The following YLPM1 variants were observed in gnomAD, a reference collection of about 807,000 sequenced individuals.
YLPM1 encodes the protein YLP motif containing 1, also known as YLP motif-containing protein 1.
A neutral mutation model predicts 230.0 loss-of-function variants in YLPM1; 99 were observed. The observed-to-expected ratio is 0.43, with a 90% CI of 0.37 to 0.51. The LOEUF (loss-of-function observed/expected upper bound fraction) is 0.51. Among genes scored for constraint, YLPM1 ranks in the 20% least tolerant of loss-of-function variants. YLPM1 has a pLI of 0.00. For synonymous variants in YLPM1, 984 were observed against 942.5 expected, an observed-to-expected ratio of 1.04 and a Z score of -0.81; for missense variants, 2,592 against 2,707.7, an observed-to-expected ratio of 0.96 and a Z score of 0.95.
chr14:74,797,484 CA>C, intron 4 of YLPM1, 95 bp from the exon 5 acceptor site: 2 of 1,080,662 alleles, frequency 1.9e-6, no homozygotes, highest in Non-Finnish European at 2.6e-6. Flanking sequence ...TTGTTGTAAA[CA>C]AATTCTAAGG....
intron 6 of YLPM1, among the ~76,000 whole-genome samples, chr14:74,803,987 G>A (rs901120760): frequency 1.3e-5 from 2 of 151,978 alleles, no homozygotes; most frequent in Non-Finnish European, 2.9e-5. Context: ...GAGAAACCCC[G>A]TCTCTACTAA....
rs542341098 is a variant in YLPM1, at chr14:74,824,418, T to G, written c.6163+111T>G. On this transcript the variant is annotated intron_variant, in intron 18 of 20. Transcript: ENST00000325680. ...CTAAAACTTCTACTTGAACAGAGAT[T>G]TCTGGCCTACCTTATATCCTCCAAT... 18 of 1,078,880 alleles carry G rather than the reference T, an allele frequency of 1.7e-5. No individual in the cohort carries two copies. The African/African-American group carries it at 2.7e-4, about 16-fold the overall frequency. 66.8% of individuals were successfully genotyped at this position (1,078,880 alleles called of 1,614,324 possible).
chr14:74,810,327 A>G lies in YLPM1; in HGVS notation c.5135A>G (p.Asp1712Gly). 6.2e-7 allele frequency: 1 copy of G among 1,613,904 alleles called. No individual in the cohort carries two copies. The highest frequency in any genetic ancestry group is 1.7e-5 in the Admixed American group (1 of 60,020). ...GCAGATCATCGAGATTTTAAAAGGGATCGTGAGACACATAGAGATCGAGAC... is the reference window on the plus strand; with the variant it reads ...GCAGATCATCGAGATTTTAAAAGGGGTCGTGAGACACATAGAGATCGAGAC... ...VIADHRDFKR[D>G]RETHRDRDRD... Residue 1712 changes from aspartate (D) to glycine (G), a missense_variant, in exon 9 of 21, where the codon GAT becomes GGT. Coordinates refer to ENST00000325680, the MANE Select transcript of YLPM1 (RefSeq NM_019589.3).
intron 4 of YLPM1, among the ~76,000 whole-genome samples, chr14:74,793,845 A>G (rs2091231712): frequency 6.6e-6 from 1 of 152,216 alleles, no homozygotes; most frequent in Non-Finnish European, 1.5e-5. Context: ...GGTTCCGAAT[A>G]TAGATTTACG....
intron 11 of YLPM1, among the ~76,000 whole-genome samples, chr14:74,813,176 T>G (rs1472132785): frequency 2.0e-5 from 3 of 152,252 alleles, no homozygotes; most frequent in East Asian, 3.8e-4. Context: ...TATTACAGAA[T>G]AATTAGACTG....
intron 18 of YLPM1, chr14:74,827,721 C>G: frequency 1.0e-6 from 1 of 985,376 alleles, no homozygotes; most frequent in African/African-American, 1.7e-5. Flanking sequence ...GAGCTTCTGT[C>G]TCTTCTGGTA....
chr14:74,772,462 G>A (rs2090987387), intron 1 of YLPM1, among the ~76,000 whole-genome samples: 2 of 151,654 alleles, frequency 1.3e-5, no homozygotes, highest in African/African-American at 4.8e-5. Flanking sequence ...AGGTTCAAGC[G>A]ATTCTCCTGC....
rs1267145482 is a variant in YLPM1, at chr14:74,781,988, GCCCCAGTTCCACCAGC to G, written c.1947_1962del (p.Pro652HisfsTer42). On this transcript the variant is annotated frameshift_variant, in exon 4 of 21. Coordinates refer to ENST00000325680, the MANE Select transcript of YLPM1 (RefSeq NM_019589.3). LOFTEE classifies it high-confidence loss of function. ...AGGGATACCTCCTCAGTTAACAGCAGCCCCAGTTCCACCAGCCTCCAGTTCACAGAGCTCGCAAGTT... is the reference window on the plus strand; with the variant it reads ...AGGGATACCTCCTCAGTTAACAGCAGCTCCAGTTCACAGAGCTCGCAAGTT... 1 of 1,613,566 alleles carries G rather than the reference GCCCCAGTTCCACCAGC, an allele frequency of 6.2e-7. No individual in the cohort carries two copies. Among genetic ancestry groups the G allele is most frequent in the Non-Finnish European group, 8.5e-7 (1 of 1,179,762 alleles).
chr14:74,797,232 C>G (rs1330189503), intron 4 of YLPM1, among the ~76,000 whole-genome samples: 1 of 146,716 alleles, frequency 6.8e-6, no homozygotes, highest in Non-Finnish European at 1.5e-5. Flanking sequence ...CTCAGGTGAT[C>G]TGCCCATCTC....
rs755761859 is a variant in YLPM1, at chr14:74,764,344, C to G, written c.855C>G (p.Pro285=). ...EQQQAAPEPD[P]STMTPQEQQQ... ...AGCAAGCCGCCCCTGAGCCAGATCCCTCTACGATGACTCCACAGGTAAGAA... is the reference window on the plus strand; with the variant it reads ...AGCAAGCCGCCCCTGAGCCAGATCCGTCTACGATGACTCCACAGGTAAGAA... The change falls in exon 1 of 21, where the codon CCC becomes CCG. Residue 285 remains proline, a synonymous_variant. Transcript: ENST00000325680. The G allele has an allele frequency of 5.6e-6, 9 of 1,610,342 alleles. No homozygotes were observed. The highest frequency in any genetic ancestry group is 1.7e-5 in the Admixed American group (1 of 59,490).
intron 5 of YLPM1, among the ~76,000 whole-genome samples, chr14:74,801,270 A>G (rs371346017): frequency 2.8e-4 from 42 of 152,310 alleles, no homozygotes; most frequent in African/African-American, 9.4e-4. Flanking sequence ...GTCAGTGTAA[A>G]GTCGTAAGGA....
chr14:74,784,787 A>G (rs2091130925), intron 4 of YLPM1, among the ~76,000 whole-genome samples: 1 of 152,152 alleles, frequency 6.6e-6, no homozygotes. Context: ...TATTACCCTC[A>G]TGTCTCCCTC....
At chr14:74,792,104 T>G (rs1395663299) in intron 4 of YLPM1, among the ~76,000 whole-genome samples, 3 of 152,214 alleles carry the variant, frequency 2.0e-5, no homozygotes, top group Non-Finnish European at 4.4e-5. Flanking sequence ...GAACCACACC[T>G]TCACAAGCCC....
At chr14:74,817,455 C>T (rs1408163921) in intron 15 of YLPM1, among the ~76,000 whole-genome samples, 178 bp downstream of exon 15, 1 of 152,166 alleles carries the variant, frequency 6.6e-6, no homozygotes, top group Admixed American at 6.5e-5. Context: ...CAGTTGCCTA[C>T]AGTATTCAGT....
chr14:74,783,459 C>G lies in YLPM1; in HGVS notation c.2282+1134C>G, dbSNP rs143576605. On this transcript the variant is annotated intron_variant, in intron 4 of 20. Coordinates refer to ENST00000325680, the MANE Select transcript of YLPM1 (RefSeq NM_019589.3). Reference sequence around the variant, plus strand: ...AAATGGGTACTCCTTATACAAAATTCAAACATTACAGAAAAGTGTAGAAAA... The same window carrying G: ...AAATGGGTACTCCTTATACAAAATTGAAACATTACAGAAAAGTGTAGAAAA... 3.0e-4 allele frequency among the ~76,000 whole-genome samples: 46 copies of G among 152,218 alleles called. No individual in the cohort carries two copies. The South Asian group carries it at 8.9e-3, about 29-fold the overall frequency.
At position 74,836,087 on chromosome 14, in the gene YLPM1, G is replaced by A. The variant is rs1037957871; in HGVS notation, c.*349G>A. On this transcript the variant is annotated 3_prime_UTR_variant, in exon 21 of 21. Coordinates refer to ENST00000325680, the MANE Select transcript of YLPM1 (RefSeq NM_019589.3). ...CTATCTCTATCATCATTGCTTTGTG[G>A]CTGTTTCTGTTTTTTACTGTATGTA... 3 of 273,846 alleles carry A rather than the reference G, an allele frequency of 1.1e-5. No homozygotes were observed. Among genetic ancestry groups the A allele is most frequent in the Admixed American group, 5.0e-5 (1 of 19,916 alleles). 17.0% of individuals were successfully genotyped at this position (273,846 alleles called of 1,614,324 possible).
intron 1 of YLPM1, among the ~76,000 whole-genome samples, chr14:74,765,045 C>T (rs75813083): frequency 0.013 from 1,995 of 152,262 alleles, 20 homozygotes; most frequent in Middle Eastern, 0.031. Flanking sequence ...CAATTTTCTG[C>T]GTTTCATTGT....
In YLPM1 at chr14:74,780,599, A is replaced by G. The variant is rs1296121743; in HGVS notation, c.1290+15A>G. The stretch of plus-strand genomic sequence containing the variant: ...CACATATACAGGCAAGTGCTTCCAT[A>G]GTCCACAATAGGAAGTTGCCCCAAG... On this transcript the variant is annotated intron_variant, in intron 3 of 20. Transcript: ENST00000325680. 6.3e-7 allele frequency: 1 copy of G among 1,580,670 alleles called. No individual in the cohort carries two copies. Among genetic ancestry groups the G allele is most frequent in the Non-Finnish European group, 8.6e-7 (1 of 1,159,392 alleles).
chr14:74,825,950 T>G (rs186772000), intron 18 of YLPM1, among the ~76,000 whole-genome samples: 1 of 152,284 alleles, frequency 6.6e-6, no homozygotes, highest in Non-Finnish European at 1.5e-5. Context: ...CTGGAAAACA[T>G]TCTGGCCCGT....
Sources: allele counts gnomAD v4.1 joint callset (sites outside exome capture counted in the v4.1 genomes callset), GRCh38; gene constraint gnomAD v4.1.1; transcripts MANE v1.5; gene names NCBI Gene and HGNC (gene_info 2026-07-23, HGNC 2026-07-21).